Variants in CTNNA3 observed in about 807,000 individuals in gnomAD.
The protein encoded by CTNNA3 is catenin alpha 3, also known as catenin alpha-3.
CTNNA3 carries 76 observed loss-of-function variants against 95.7 expected under a neutral mutation model. The ratio of observed to expected loss-of-function variants is 0.79; its 90% CI spans 0.66 to 0.96. The LOEUF (loss-of-function observed/expected upper bound fraction) is 0.96, where lower values mean the gene tolerates loss of function less well. Ranked by LOEUF, CTNNA3 falls within the 40% of genes least tolerant of loss-of-function variation. CTNNA3 has a pLI of 0.00. For synonymous variants in CTNNA3, 431 were observed against 374.4 expected (o/e 1.15, Z -1.74); for missense variants, 1,191 against 1,089.8 (o/e 1.09, Z -1.31).
At chr10:66,346,454 T>A (rs527767098) in intron 12 of CTNNA3, among the ~76,000 whole-genome samples, 1 of 151,932 alleles carries the variant, frequency 6.6e-6, no homozygotes, top group African/African-American at 2.4e-5. Flanking sequence ...AAGTTTTGTA[T>A]TTTTAGTAAA....
At chr10:66,133,694 A>G (rs2083229179) in intron 13 of CTNNA3, among the ~76,000 whole-genome samples, 1 of 152,162 alleles carries the variant, frequency 6.6e-6, no homozygotes, top group Admixed American at 6.5e-5. Context: ...TATCCACAGC[A>G]CAATGTAACA....
intron 6 of CTNNA3, among the ~76,000 whole-genome samples, chr10:67,191,884 T>TA (rs1257776555): frequency 6.6e-6 from 1 of 151,806 alleles, no homozygotes; most frequent in East Asian, 1.9e-4. Flanking sequence ...AGTACTAGCA[T>TA]AAAAACATAC....
At chr10:66,997,104 GAGC>G (rs1159722428) in intron 7 of CTNNA3, among the ~76,000 whole-genome samples, 1 of 152,168 alleles carries the variant, frequency 6.6e-6, no homozygotes, top group African/African-American at 2.4e-5. Context: ...GCAAGAATAA[GAGC>G]AGAAGATGAT....
intron 16 of CTNNA3, among the ~76,000 whole-genome samples, chr10:65,983,638 C>A (rs910043501): frequency 6.6e-6 from 1 of 151,342 alleles, no homozygotes; most frequent in Non-Finnish European, 1.5e-5. Flanking sequence ...CTAAAGGAGA[C>A]AAAATTTGTG....
intron 2 of CTNNA3, among the ~76,000 whole-genome samples, chr10:67,609,379 G>A (rs763844069): frequency 2.8e-4 from 42 of 151,866 alleles, no homozygotes; most frequent in Non-Finnish European, 3.8e-4. Context: ...AGAGATTTTC[G>A]TTGTTGTTTG....
At chr10:67,200,540 G>A (rs1241594111) in intron 6 of CTNNA3, among the ~76,000 whole-genome samples, 2 of 152,116 alleles carry the variant, frequency 1.3e-5, no homozygotes, top group Non-Finnish European at 2.9e-5. Context: ...TAGCCTGCCT[G>A]AATGAGGTAA....
Position 65,920,283 on chromosome 10 carries a change from G to T in CTNNA3, c.*47C>A. 4.7e-6 allele frequency: 7 copies of T among 1,496,532 alleles called. No individual in the cohort carries two copies. The highest frequency in any genetic ancestry group is 6.4e-6 in the Non-Finnish European group (7 of 1,091,050). The allele number at this position is 1,496,532 out of a possible 1,614,324, so 92.7% of individuals were successfully genotyped here. A position where few individuals can be genotyped will look rare whatever the true frequency, so the allele number is the denominator to read the frequency against. On this transcript the variant is annotated 3_prime_UTR_variant, in exon 18 of 18. Transcript: ENST00000433211. ...CTTAAGTGTAAAATAAAGCAGTGTG[G>T]TTAGGCAGGATTTTGTCATATAGGC...
intron 7 of CTNNA3, among the ~76,000 whole-genome samples, chr10:67,131,210 A>G (rs2132018760): frequency 6.6e-6 from 1 of 152,116 alleles, no homozygotes; most frequent in African/African-American, 2.4e-5. Flanking sequence ...TTCTGAGCCA[A>G]GAGGGTTGGG....
intron 3 of CTNNA3, among the ~76,000 whole-genome samples, chr10:67,577,626 G>T (rs1842209697): frequency 6.6e-6 from 1 of 150,582 alleles, no homozygotes; most frequent in African/African-American, 2.5e-5. Flanking sequence ...GTAATGCCTA[G>T]GTTTTGTATA....
At chr10:67,727,909 ATG>A (rs1474497902) in intron 1 of CTNNA3, among the ~76,000 whole-genome samples, 87 of 111,044 alleles carry the variant, frequency 7.8e-4, no homozygotes, top group South Asian at 2.1e-3. Flanking sequence ...ATAATATATT[ATG>A]TATATTATAT....
At chr10:66,524,204 G>T (rs958207118) in intron 10 of CTNNA3, among the ~76,000 whole-genome samples, 3 of 11,166 alleles carry the variant, frequency 2.7e-4, no homozygotes, top group Non-Finnish European at 5.7e-4. Context: ...AAAATATTTT[G>T]TCCATATAAA....
At chr10:66,129,031 G>A (rs1256488821) in intron 13 of CTNNA3, among the ~76,000 whole-genome samples, 7 of 152,154 alleles carry the variant, frequency 4.6e-5, no homozygotes, top group Admixed American at 2.0e-4. Context: ...TTGGGAGGCC[G>A]AGGAGGACAG....
chr10:66,578,834 T>G (rs1167142172), intron 10 of CTNNA3, among the ~76,000 whole-genome samples: 1 of 151,232 alleles, frequency 6.6e-6, no homozygotes, highest in Non-Finnish European at 1.5e-5. Flanking sequence ...CACATTTTGG[T>G]ATCAGAATGA....
intron 5 of CTNNA3, among the ~76,000 whole-genome samples, chr10:67,372,375 T>C (rs1843505648): frequency 6.6e-6 from 1 of 152,160 alleles, no homozygotes; most frequent in South Asian, 2.1e-4. Context: ...AACATTTAAG[T>C]CTTTAATCCA....
chr10:67,529,555 A>G (rs1445959435), intron 4 of CTNNA3, among the ~76,000 whole-genome samples: 1 of 151,030 alleles, frequency 6.6e-6, no homozygotes, highest in Admixed American at 6.6e-5. Flanking sequence ...TGATGAGTTA[A>G]TGGGTGCAGC....
At chr10:66,680,704 T>C (rs369426257) in intron 9 of CTNNA3, among the ~76,000 whole-genome samples, 1 of 152,172 alleles carries the variant, frequency 6.6e-6, no homozygotes, top group East Asian at 1.9e-4. Flanking sequence ...CATGAAGGAC[T>C]GAGTCTTAAA....
intron 7 of CTNNA3, among the ~76,000 whole-genome samples, chr10:66,890,901 G>C (rs1034493101): frequency 6.6e-6 from 1 of 152,150 alleles, no homozygotes; most frequent in African/African-American, 2.4e-5. Context: ...AGAGCACAGA[G>C]AGAAGGAGCA....
chr10:66,986,632 T>A (rs1407202155), intron 7 of CTNNA3, among the ~76,000 whole-genome samples: 1 of 152,214 alleles, frequency 6.6e-6, no homozygotes, highest in Admixed American at 6.5e-5. Flanking sequence ...TCATTTTACC[T>A]GACAAGAATT....
chr10:66,145,256 A>T (rs989225456), intron 13 of CTNNA3, among the ~76,000 whole-genome samples: 1 of 152,206 alleles, frequency 6.6e-6, no homozygotes, highest in South Asian at 2.1e-4. Flanking sequence ...GCTCTAGCAC[A>T]TGGCTTTCCT....
Sources: allele counts gnomAD v4.1 joint callset (sites outside exome capture counted in the v4.1 genomes callset), GRCh38; gene constraint gnomAD v4.1.1; transcripts MANE v1.5; gene names NCBI Gene and HGNC (gene_info 2026-07-23, HGNC 2026-07-21).